The following FKBP3 variants were observed in gnomAD, a reference collection of about 807,000 sequenced individuals.
FKBP3 encodes the protein peptidyl-prolyl cis-trans isomerase FKBP3.
FKBP3 carries 21 observed loss-of-function variants against 30.6 expected under a neutral mutation model. That is an observed-to-expected ratio of 0.69 (90% CI 0.49 to 0.99). The LOEUF is 0.99. Among genes scored for constraint, FKBP3 ranks in the 50% least tolerant of loss-of-function variants. FKBP3 has a pLI of 0.00. For missense variants in FKBP3, 283 were observed against 261.6 expected, an observed-to-expected ratio of 1.08 and a Z score of -0.56; for synonymous variants, 82 against 91.3, an observed-to-expected ratio of 0.90 and a Z score of 0.58.
chr14:45,119,749 G>A (rs1056675892), intron 5 of FKBP3, among the ~76,000 whole-genome samples: 8 of 149,354 alleles, frequency 5.4e-5, no homozygotes, highest in East Asian at 2.0e-4. Context: ...GTGCAGTGGC[G>A]TGATCTCAGC....
Position 45,134,407 on chromosome 14 carries a change from C to G in FKBP3, c.50G>C (p.Ser17Thr). The G allele has an allele frequency of 6.2e-7, 1 of 1,613,578 alleles. No homozygotes were observed. Among genetic ancestry groups the G allele is most frequent in the Non-Finnish European group, 8.5e-7 (1 of 1,179,718 alleles). Residue 17 changes from serine to threonine, a missense_variant, in exon 1 of 7, where the codon AGT becomes ACT. By Grantham distance (58) the Ser-to-Thr change is moderately conservative. Transcript: ENST00000396062. ...AATGTCCTTCTTGGGCAGCTGCTCA[C>G]TGCGCAGCTGCTCCACGGTCCACGC... ...QRAWTVEQLR[S>T]EQLPKKDIIK...
rs974474749 is a variant in FKBP3 at position 45,130,757 on chromosome 14, G to C, written c.152C>G (p.Ala51Gly). Reference protein sequence around the residue: ...HKLLGNIKNVAKTANKDHLVT... With the variant: ...HKLLGNIKNVGKTANKDHLVT... ...CAAGTGGTCCTTGTTAGCTGTCTTG[G>C]CCACATTTTTAATGTTTCCTAATAA... Residue 51 changes from alanine (A) to glycine (G), a missense_variant, in exon 2 of 7, where the codon GCC becomes GGC. Ala to Gly is a moderately conservative substitution (Grantham distance 60, BLOSUM62 0). Coordinates refer to ENST00000396062, the MANE Select transcript of FKBP3 (RefSeq NM_002013.4). 6.2e-7 allele frequency: 1 copy of C among 1,610,396 alleles called. No homozygotes were observed. The highest frequency in any genetic ancestry group is 2.2e-5 in the East Asian group (1 of 44,686).
intron 3 of FKBP3, among the ~76,000 whole-genome samples, chr14:45,123,825 A>G (rs974405431): frequency 3.3e-5 from 5 of 151,562 alleles, no homozygotes; most frequent in Admixed American, 1.3e-4. Context: ...TCACCATGTT[A>G]GCCAGGATGG....
In FKBP3 at chr14:45,130,679, C is replaced by T; in HGVS notation, c.210+20G>A. On this transcript the variant is annotated intron_variant, in intron 2 of 6. Coordinates refer to ENST00000396062, the MANE Select transcript of FKBP3 (RefSeq NM_002013.4). ...AATTTCAAAAGTGATGTTCTGCTAA[C>T]AGAATCTAACAATACTCACCTTAGT... is the stretch of plus-strand genomic sequence containing the variant. The T allele has an allele frequency of 7.3e-7, 1 of 1,376,040 alleles. No individual in the cohort carries two copies. Among genetic ancestry groups the T allele is most frequent in the Non-Finnish European group, 1.0e-6 (1 of 994,530 alleles). 85.2% of individuals were successfully genotyped at this position (1,376,040 alleles called of 1,614,324 possible).
chr14:45,133,461 C>T (rs1366152960), intron 1 of FKBP3: 1 of 161,784 alleles, frequency 6.2e-6, no homozygotes, highest in South Asian at 1.5e-4. Context: ...AGAGAGACTC[C>T]GTCTCAAACA....
chr14:45,120,492 T>C (rs1240113948), intron 5 of FKBP3, among the ~76,000 whole-genome samples: 1 of 152,212 alleles, frequency 6.6e-6, no homozygotes, highest in Non-Finnish European at 1.5e-5. Flanking sequence ...GCAAATTATA[T>C]GTAAATGGTA....
At chr14:45,118,184 A>C (rs1003166500) in intron 5 of FKBP3, 59 bp from the exon 6 acceptor site, 2 of 925,380 alleles carry the variant, frequency 2.2e-6, no homozygotes, top group African/African-American at 3.4e-5. Flanking sequence ...ATGCAATACC[A>C]GGACAGTCAA....
intron 3 of FKBP3, among the ~76,000 whole-genome samples, chr14:45,126,005 C>A (rs1036567259): frequency 6.6e-6 from 1 of 151,892 alleles, no homozygotes; most frequent in Non-Finnish European, 1.5e-5. Flanking sequence ...CTCAAAGGAT[C>A]CTCCCTGCTC....
chr14:45,117,728 T>C (rs1296866954), intron 6 of FKBP3, among the ~76,000 whole-genome samples: 1 of 152,240 alleles, frequency 6.6e-6, no homozygotes, highest in Non-Finnish European at 1.5e-5. Context: ...GTAACTTTTC[T>C]TAAACTCTTA....
Position 45,134,248 on chromosome 14 carries a change from C to T in FKBP3, c.108+101G>A, listed in dbSNP as rs146045168. The T allele has an allele frequency of 2.2e-3, 2,186 of 993,562 alleles. 7 individuals carry two copies. The highest frequency in any genetic ancestry group is 3.1e-3 in the Non-Finnish European group (2,044 of 665,552). The allele number at this position is 993,562 out of a possible 1,614,324, so 61.5% of individuals were successfully genotyped here. On this transcript the variant is annotated intron_variant, in intron 1 of 6. Coordinates refer to ENST00000396062, the MANE Select transcript of FKBP3 (RefSeq NM_002013.4). ...TTCCAGGCCACCGGCCGCGGGAAGA[C>T]GAGGGCGGGGGCACAGAGGAATACG...
At chr14:45,121,680 G>A (rs1884989685) in intron 3 of FKBP3, 60 bp from the exon 4 acceptor site, 2 of 1,561,590 alleles carry the variant, frequency 1.3e-6, no homozygotes, top group Non-Finnish European at 1.7e-6. Flanking sequence ...TTAAAAGAAT[G>A]ACAAACAATA....
intron 3 of FKBP3, among the ~76,000 whole-genome samples, chr14:45,123,646 G>A (rs1885035703): frequency 1.0e-5 from 1 of 99,674 alleles, no homozygotes; most frequent in African/African-American, 4.0e-5. Flanking sequence ...ATGGAGTCTT[G>A]CTGTGTCACC....
chr14:45,131,046 C>G, intron 1 of FKBP3: 1 of 279,420 alleles, frequency 3.6e-6, no homozygotes. Context: ...AGTGTTTCAT[C>G]CTAAACTTTT....
intron 5 of FKBP3, among the ~76,000 whole-genome samples, chr14:45,120,355 G>T (rs766198559): frequency 6.6e-6 from 1 of 152,162 alleles, no homozygotes; most frequent in African/African-American, 2.4e-5. Flanking sequence ...ACATATAAGT[G>T]TAGGTTAAAG....
At chr14:45,127,334 C>T (rs976478909) in intron 3 of FKBP3, among the ~76,000 whole-genome samples, 3 of 151,638 alleles carry the variant, frequency 2.0e-5, no homozygotes, top group Admixed American at 6.6e-5. Context: ...AGGCTGGTCT[C>T]GAACTCCCAA....
intron 3 of FKBP3, among the ~76,000 whole-genome samples, chr14:45,122,863 T>C (rs1885014781): frequency 6.6e-6 from 1 of 151,988 alleles, no homozygotes; most frequent in African/African-American, 2.4e-5. Flanking sequence ...TTCATTTCCC[T>C]AGCTGAAGGT....
chr14:45,134,199 A>G, intron 1 of FKBP3, 150 bp downstream of exon 1: 1 of 647,838 alleles, frequency 1.5e-6, no homozygotes, highest in Non-Finnish European at 2.7e-6. Context: ...GAGGCACCAA[A>G]GCACAAGCTG....
Position 45,120,867 on chromosome 14 carries a change from C to G in FKBP3, c.522+20G>C, listed in dbSNP as rs758130720. 1.9e-6 allele frequency: 3 copies of G among 1,587,778 alleles called. No homozygotes were observed. Among genetic ancestry groups the G allele is most frequent in the East Asian group, 2.2e-5 (1 of 44,680 alleles). ...GCATATGCCAGAATATCTACTGATT[C>G]ATTGGCATTCTTTACTTACTCCTCT... On this transcript the variant is annotated intron_variant, in intron 5 of 6. Coordinates refer to ENST00000396062, the MANE Select transcript of FKBP3 (RefSeq NM_002013.4).
intron 3 of FKBP3, among the ~76,000 whole-genome samples, chr14:45,128,304 TC>T (rs1351794608): frequency 1.3e-5 from 2 of 152,094 alleles, no homozygotes; most frequent in African/African-American, 4.8e-5. Context: ...ACCACTGCAC[TC>T]CAGCCTGGGT....
Sources: allele counts gnomAD v4.1 joint callset (sites outside exome capture counted in the v4.1 genomes callset), GRCh38; gene constraint gnomAD v4.1.1; transcripts MANE v1.5; gene names NCBI Gene and HGNC (gene_info 2026-07-23, HGNC 2026-07-21).